The following HOMER1 variants were observed in gnomAD, a reference collection of about 807,000 sequenced individuals.
The protein encoded by HOMER1 is homer protein homolog 1.
HOMER1 carries 3 observed loss-of-function variants against 48.9 expected under a neutral mutation model. The observed-to-expected ratio is 0.06, with a 90% CI of 0.03 to 0.16. HOMER1 has a LOEUF of 0.16. Ranked by LOEUF, HOMER1 falls within the 10% of genes least tolerant of loss-of-function variation. The pLI is 1.00. For synonymous variants in HOMER1, 134 were observed against 146.4 expected, an observed-to-expected ratio of 0.92 and a Z score of 0.61; for missense variants, 247 against 411.4, an observed-to-expected ratio of 0.60 and a Z score of 3.46.
At chr5:79,502,937 C>T (rs921368929) in intron 1 of HOMER1, among the ~76,000 whole-genome samples, 4 of 152,022 alleles carry the variant, frequency 2.6e-5, no homozygotes, top group African/African-American at 9.6e-5. Context: ...ACTACAGGCG[C>T]CCGCCACCAC....
intron 5 of HOMER1, among the ~76,000 whole-genome samples, chr5:79,433,261 T>C (rs1750472250): frequency 1.3e-5 from 2 of 152,144 alleles, no homozygotes; most frequent in Admixed American, 6.6e-5. Flanking sequence ...GTACAGTAAA[T>C]CCAAACTATA....
chr5:79,385,169 T>A (rs926249565), intron 8 of HOMER1, among the ~76,000 whole-genome samples: 8 of 151,548 alleles, frequency 5.3e-5, no homozygotes, highest in Non-Finnish European at 1.0e-4. Context: ...AAGAAAACTT[T>A]AAAAAAAACA....
intron 1 of HOMER1, among the ~76,000 whole-genome samples, chr5:79,471,137 T>C (rs73770426): frequency 0.021 from 3,133 of 152,248 alleles, 113 homozygotes; most frequent in African/African-American, 0.072. Flanking sequence ...TCTGTATATC[T>C]GGAACATTCA....
chr5:79,398,565 G>A (rs1187920241), intron 6 of HOMER1, among the ~76,000 whole-genome samples: 1 of 151,922 alleles, frequency 6.6e-6, no homozygotes, highest in Non-Finnish European at 1.5e-5. Flanking sequence ...ATCCAGACCT[G>A]AACAAAACCA....
intron 1 of HOMER1, among the ~76,000 whole-genome samples, chr5:79,483,705 T>C (rs1229298649): frequency 2.7e-5 from 4 of 150,500 alleles, no homozygotes; most frequent in Non-Finnish European, 4.4e-5. Context: ...TAAATACATA[T>C]ATATTTTAAT....
chr5:79,455,524 G>C (rs1182482573), intron 2 of HOMER1, among the ~76,000 whole-genome samples: 1 of 152,142 alleles, frequency 6.6e-6, no homozygotes, highest in South Asian at 2.1e-4. Flanking sequence ...AGTTTCCTGA[G>C]GCTTCCCCAG....
chr5:79,442,029 A>G (rs1392250729), intron 4 of HOMER1, among the ~76,000 whole-genome samples: 2 of 151,908 alleles, frequency 1.3e-5, no homozygotes, highest in African/African-American at 4.8e-5. Context: ...AAAGCAAAAA[A>G]TAAAATGAAA....
intron 1 of HOMER1, among the ~76,000 whole-genome samples, chr5:79,467,798 A>G (rs1341173037): frequency 2.6e-5 from 4 of 152,104 alleles, no homozygotes; most frequent in Non-Finnish European, 5.9e-5. Context: ...TTGTTTTGAG[A>G]CAGGGTTTTG....
intron 1 of HOMER1, among the ~76,000 whole-genome samples, chr5:79,459,377 A>C (rs962268926): frequency 1.3e-5 from 2 of 152,222 alleles, no homozygotes; most frequent in Non-Finnish European, 2.9e-5. Context: ...TTTCAGAATA[A>C]AAATCTTTAA....
intron 1 of HOMER1, among the ~76,000 whole-genome samples, chr5:79,498,129 A>G (rs1404497260): frequency 6.6e-6 from 1 of 152,194 alleles, no homozygotes; most frequent in Non-Finnish European, 1.5e-5. Context: ...GGCCAAGTGC[A>G]GTGGCTCACC....
intron 1 of HOMER1, among the ~76,000 whole-genome samples, chr5:79,473,610 T>C (rs1293955617): frequency 6.6e-6 from 1 of 152,202 alleles, no homozygotes; most frequent in African/African-American, 2.4e-5. Flanking sequence ...CTCTTAAATC[T>C]TTCTTAATCA....
rs1436221396 is a variant in HOMER1 at position 79,379,194 on chromosome 5, TAATA to T, written c.877-3001_877-2998del. Among the ~76,000 whole-genome samples the T allele has an allele frequency of 8.5e-4, 78 of 91,334 alleles. 1 individual carries two copies. Among genetic ancestry groups the T allele is most frequent in the South Asian group, 3.5e-3 (10 of 2,864 alleles). 59.9% of individuals were successfully genotyped at this position (91,334 alleles called of 152,430 possible). A position where few individuals can be genotyped will look rare whatever the true frequency, so the allele number is the denominator to read the frequency against. On this transcript the variant is annotated intron_variant, in intron 8 of 8. Transcript: ENST00000334082. ...TATTATATATATTTTTATATATCTA[TAATA>T]TATATTATATATATTTTTATATATC...
rs1157815083 is a variant in HOMER1 at position 79,513,109 on chromosome 5, T to C, written c.-335A>G. The C allele has an allele frequency of 1.5e-5, 5 of 344,542 alleles. No individual in the cohort carries two copies. The Admixed American group carries it at 2.5e-4, about 17-fold the overall frequency. The allele number at this position is 344,542 out of a possible 1,614,324, so 21.3% of individuals were successfully genotyped here. ...TTCACCGAGTCCTATAAAAAATGAG[T>C]TCGCTGGTCATTTCACTCATGTCCT... is the stretch of plus-strand genomic sequence containing the variant. On this transcript the variant is annotated 5_prime_UTR_variant, in exon 1 of 9. Transcript: ENST00000334082.
At chr5:79,501,317 G>A (rs191640115) in intron 1 of HOMER1, among the ~76,000 whole-genome samples, 88 of 152,144 alleles carry the variant, frequency 5.8e-4, no homozygotes, top group Non-Finnish European at 8.7e-4. Context: ...TTTATTGTAC[G>A]AATACAGCAT....
intron 5 of HOMER1, among the ~76,000 whole-genome samples, chr5:79,438,224 A>G (rs1181537751): frequency 6.6e-6 from 1 of 152,250 alleles, no homozygotes; most frequent in Non-Finnish European, 1.5e-5. Flanking sequence ...AACTTTAACT[A>G]AAACTAACCT....
intron 5 of HOMER1, among the ~76,000 whole-genome samples, chr5:79,416,787 A>G (rs1298533000): frequency 6.6e-6 from 1 of 152,198 alleles, no homozygotes; most frequent in Non-Finnish European, 1.5e-5. Context: ...TCTACCCATG[A>G]TACTCTAAAG....
At chr5:79,451,181 C>T in intron 2 of HOMER1, 60 bp from the exon 3 acceptor site, 1 of 1,551,814 alleles carries the variant, frequency 6.4e-7, no homozygotes, top group Non-Finnish European at 8.9e-7. Flanking sequence ...CATTTAAATA[C>T]AAGACCATTC....
intron 1 of HOMER1, among the ~76,000 whole-genome samples, chr5:79,509,676 C>T (rs1186350866): frequency 1.3e-5 from 2 of 152,206 alleles, no homozygotes; most frequent in Admixed American, 6.5e-5. Flanking sequence ...GATACTTTGA[C>T]AGACTTTGCC....
At chr5:79,427,370 G>GT (rs550570484) in intron 5 of HOMER1, among the ~76,000 whole-genome samples, 188 of 151,096 alleles carry the variant, frequency 1.2e-3, no homozygotes, top group African/African-American at 1.7e-3. Context: ...AATTTATCCA[G>GT]TTTTTTTTTG....
Sources: gnomAD v4.1 joint callset for allele counts (sites outside exome capture counted in the v4.1 genomes callset) on GRCh38, gnomAD v4.1.1 for gene constraint, MANE v1.5 for transcripts, NCBI Gene and HGNC (gene_info 2026-07-23, HGNC 2026-07-21) for gene names.